PDE11A: variants seen among roughly 807,000 people sequenced by gnomAD.
PDE11A encodes the protein phosphodiesterase 11A.
In PDE11A, 100 loss-of-function variants were observed where a neutral mutation model predicts 100.5. The ratio of observed to expected loss-of-function variants is 1.00; its 90% confidence interval spans 0.85 to 1.18. The LOEUF is 1.18. PDE11A is among the 50% of genes most tolerant of loss of function. PDE11A has a pLI of 0.00. For missense variants in PDE11A, 1,141 were observed against 1,152.6 expected (o/e 0.99, Z 0.15); for synonymous variants, 381 against 420.8 (o/e 0.91, Z 1.16).
intron 19 of PDE11A, among the ~76,000 whole-genome samples, chr2:177,631,984 G>A (rs1347698882): frequency 6.6e-6 from 1 of 152,120 alleles, no homozygotes; most frequent in Non-Finnish European, 1.5e-5. Context: ...TTCCATCACA[G>A]GAGGAAGGTA....
intron 5 of PDE11A, among the ~76,000 whole-genome samples, chr2:177,874,978 C>T (rs149615339): frequency 6.6e-6 from 1 of 152,162 alleles, no homozygotes; most frequent in Non-Finnish European, 1.5e-5. Flanking sequence ...AATGCTAGCA[C>T]TTTGGGAGGC....
chr2:178,058,500 T>C (rs2086927215), intron 1 of PDE11A, among the ~76,000 whole-genome samples: 1 of 152,222 alleles, frequency 6.6e-6, no homozygotes, highest in Non-Finnish European at 1.5e-5. Flanking sequence ...GACTTGCTCC[T>C]CCTTGCCTTC....
Position 178,071,831 on chromosome 2 carries a change from G to T in PDE11A, c.607C>A (p.Gln203Lys). ...KCHLKKHNER[Q>K]FFLELVKDIS... ...TCTTTGACCAATTCCAGAAAGAACT[G>T]ACGCTCATTATGCTTTTTCAGATGG... Residue 203 changes from glutamine (Q) to lysine (K), a missense_variant, in exon 1 of 20, where the codon CAG (glutamine) becomes AAG (lysine). Transcript: ENST00000286063. The T allele has an allele frequency of 6.2e-7, 1 of 1,614,040 alleles. No individual in the cohort carries two copies. Among genetic ancestry groups the T allele is most frequent in the Non-Finnish European group, 8.5e-7 (1 of 1,179,896 alleles).
intron 2 of PDE11A, among the ~76,000 whole-genome samples, chr2:178,081,241 G>T (rs780706742): frequency 6.6e-6 from 1 of 152,114 alleles, no homozygotes; most frequent in African/African-American, 2.4e-5. Flanking sequence ...GCCTCTGAAA[G>T]AGTTTCTCAC....
intron 4 of PDE11A, among the ~76,000 whole-genome samples, chr2:177,884,164 C>T (rs1312515236): frequency 2.0e-5 from 3 of 152,140 alleles, no homozygotes; most frequent in African/African-American, 7.2e-5. Context: ...CAATGTTGAA[C>T]TTTACCTGAG....
intron 19 of PDE11A, among the ~76,000 whole-genome samples, chr2:177,635,454 G>A (rs891712022): frequency 6.6e-6 from 1 of 152,124 alleles, no homozygotes; most frequent in African/African-American, 2.4e-5. Context: ...CACAGCCTGG[G>A]CATCTGGTCA....
intron 2 of PDE11A, among the ~76,000 whole-genome samples, chr2:178,098,764 T>C (rs925381761): frequency 7.9e-5 from 12 of 152,228 alleles, no homozygotes; most frequent in Non-Finnish European, 1.6e-4. Context: ...TTTTGTATAA[T>C]GTAAGCATTT....
chr2:178,008,761 T>C (rs184886226), intron 2 of PDE11A, among the ~76,000 whole-genome samples: 1 of 152,206 alleles, frequency 6.6e-6, no homozygotes, highest in Admixed American at 6.5e-5. Context: ...AGCAGCATCA[T>C]CAGTAACAAG....
chr2:177,713,430 G>A (rs758572536), intron 12 of PDE11A, among the ~76,000 whole-genome samples: 11 of 152,124 alleles, frequency 7.2e-5, no homozygotes, highest in Admixed American at 1.3e-4. Context: ...CCATGTCAAA[G>A]CTTGCATATG....
intron 13 of PDE11A, among the ~76,000 whole-genome samples, chr2:177,707,841 G>A (rs2081302214): frequency 6.6e-6 from 1 of 152,096 alleles, no homozygotes; most frequent in Non-Finnish European, 1.5e-5. Flanking sequence ...TCTGGGGAGG[G>A]GCCATTGGTA....
intron 3 of PDE11A, 29 bp from the exon 4 acceptor site, chr2:177,898,227 G>A (rs2084641672): frequency 1.3e-6 from 2 of 1,551,704 alleles, no homozygotes; most frequent in Non-Finnish European, 1.8e-6. Flanking sequence ...ATGTATATAA[G>A]TGGATGTAAA....
intron 1 of PDE11A, among the ~76,000 whole-genome samples, chr2:178,106,275 T>A (rs1197380569): frequency 6.6e-6 from 1 of 152,198 alleles, no homozygotes; most frequent in Non-Finnish European, 1.5e-5. Flanking sequence ...TAAATCTATG[T>A]GGAAACCCAT....
At chr2:177,965,384 C>T (rs1008202466) in intron 2 of PDE11A, among the ~76,000 whole-genome samples, 1 of 151,994 alleles carries the variant, frequency 6.6e-6, no homozygotes, top group Admixed American at 6.6e-5. Context: ...TCCCATTTGT[C>T]AATTTTTCCG....
In PDE11A at chr2:177,887,459, GAA is replaced by G. The variant is rs5836631; in HGVS notation, c.1302+10597_1302+10598del. Among the ~76,000 whole-genome samples the G allele has an allele frequency of 3.9e-4, 58 of 149,110 alleles. 1 individual carries two copies. Among genetic ancestry groups the G allele is most frequent in the East Asian group, 2.0e-3 (10 of 5,048 alleles). On this transcript the variant is annotated intron_variant, in intron 4 of 19. Coordinates refer to ENST00000286063, the MANE Select transcript of PDE11A (RefSeq NM_016953.4). ...GTCGGCTGGACAAGCCGTTAAAAAA[GAA>G]AAAAAAAAAAGATTTTCCTCAGCTG...
intron 5 of PDE11A, among the ~76,000 whole-genome samples, chr2:177,875,388 A>T (rs1236612197): frequency 1.3e-5 from 2 of 151,242 alleles, no homozygotes; most frequent in African/African-American, 4.9e-5. Flanking sequence ...TTTTTATTTT[A>T]TTTTTTTGAG....
chr2:178,062,860 G>A (rs772855942), intron 1 of PDE11A, among the ~76,000 whole-genome samples: 4 of 151,990 alleles, frequency 2.6e-5, no homozygotes, highest in Non-Finnish European at 5.9e-5. Context: ...CATAAAGAAA[G>A]CCTATGTTTT....
intron 9 of PDE11A, among the ~76,000 whole-genome samples, chr2:177,781,376 A>G (rs1005928274): frequency 4.6e-5 from 7 of 152,280 alleles, no homozygotes; most frequent in Admixed American, 2.6e-4. Context: ...AAATGTTGTA[A>G]GAATTACCAA....
chr2:177,702,031 G>A (rs2081204462), intron 13 of PDE11A, among the ~76,000 whole-genome samples: 1 of 152,194 alleles, frequency 6.6e-6, no homozygotes, highest in South Asian at 2.1e-4. Flanking sequence ...GCATGTAGTA[G>A]ATTGTAGTCT....
intron 9 of PDE11A, among the ~76,000 whole-genome samples, chr2:177,773,409 T>A (rs2082339236): frequency 6.6e-6 from 1 of 152,238 alleles, no homozygotes. Flanking sequence ...TTTAGGTCTA[T>A]GATACATCTG....
Sources: allele counts gnomAD v4.1 joint callset (sites outside exome capture counted in the v4.1 genomes callset), GRCh38; gene constraint gnomAD v4.1.1; transcripts MANE v1.5; gene names NCBI Gene and HGNC (gene_info 2026-07-23, HGNC 2026-07-21).